Variants in GTF2F2 observed in about 807,000 individuals in gnomAD.
GTF2F2 encodes the protein general transcription factor IIF subunit 2, also known as ATP-dependent helicase GTF2F2.
GTF2F2 carries 23 observed loss-of-function variants against 42.2 expected under a neutral mutation model. That is an observed-to-expected ratio of 0.55 (90% CI 0.39 to 0.77). The LOEUF is 0.77. Ranked by LOEUF, GTF2F2 falls within the 30% of genes least tolerant of loss-of-function variation. The probability of loss-of-function intolerance (pLI) is 0.00; values close to 1 mark genes in which losing one functional copy is unlikely to be tolerated. For missense variants in GTF2F2, 261 were observed against 287.2 expected (o/e 0.91, Z 0.66); for synonymous variants, 105 against 100.8 (o/e 1.04, Z -0.25).
chr13:45,194,028 C>T, intron 4 of GTF2F2: 1 of 1,614,088 alleles, frequency 6.2e-7, no homozygotes, highest in African/African-American at 1.3e-5. Context: ...GAAATCCATC[C>T]AGCCTGCTTT....
intron 4 of GTF2F2, chr13:45,194,025 A>G: frequency 6.2e-7 from 1 of 1,614,124 alleles, no homozygotes; most frequent in South Asian, 1.1e-5. Flanking sequence ...CTGGAAATCC[A>G]TCCAGCCTGC....
intron 5 of GTF2F2, among the ~76,000 whole-genome samples, chr13:45,224,613 G>A (rs1271445369): frequency 1.3e-5 from 2 of 152,154 alleles, no homozygotes; most frequent in Admixed American, 1.3e-4. Flanking sequence ...CTTGGTCTTT[G>A]TTGTTAATGT....
In GTF2F2 at chr13:45,283,652, A is replaced by G. The variant is rs535811693; in HGVS notation, c.*91A>G. The G allele has an allele frequency of 9.3e-7, 1 of 1,073,742 alleles. No homozygotes were observed. Among genetic ancestry groups the G allele is most frequent in the Non-Finnish European group, 1.3e-6 (1 of 780,002 alleles). 66.5% of individuals were successfully genotyped at this position (1,073,742 alleles called of 1,614,324 possible). A position where few individuals can be genotyped will look rare whatever the true frequency, so the allele number is the denominator to read the frequency against. On this transcript the variant is annotated 3_prime_UTR_variant, in exon 8 of 8. Coordinates refer to ENST00000340473, the MANE Select transcript of GTF2F2 (RefSeq NM_004128.3). The stretch of plus-strand genomic sequence containing the variant: ...TGGAAGGCTTGAACACCGTATGTTA[A>G]TAGGGGTTAAGTGACAGTACTTTGA...
At chr13:45,133,169 T>G (rs1029484784) in intron 1 of GTF2F2, among the ~76,000 whole-genome samples, 1 of 152,096 alleles carries the variant, frequency 6.6e-6, no homozygotes, top group Non-Finnish European at 1.5e-5. Flanking sequence ...ATTATAATGA[T>G]GGACCATGGA....
rs1331313316 is a variant in GTF2F2 at position 45,212,443 on chromosome 13, T to G, written c.386+4938T>G. Among the ~76,000 whole-genome samples, 73 of 91,452 alleles carry G rather than the reference T, an allele frequency of 8.0e-4. 1 individual carries two copies. Among genetic ancestry groups the G allele is most frequent in the East Asian group, 5.3e-3 (16 of 3,034 alleles). 60.0% of individuals were successfully genotyped at this position (91,452 alleles called of 152,430 possible). A position where few individuals can be genotyped will look rare whatever the true frequency, so the allele number is the denominator to read the frequency against. On this transcript the variant is annotated intron_variant, in intron 5 of 7. Transcript: ENST00000340473. Reference sequence around the variant, plus strand: ...GGATTGATTTCTTTCTTTCTTTCTTTCTTGTTTCTTTCTTTCTTTCTTTCT... The same window carrying G: ...GGATTGATTTCTTTCTTTCTTTCTTGCTTGTTTCTTTCTTTCTTTCTTTCT...
At chr13:45,221,805 CTCT>C (rs1047911392) in intron 5 of GTF2F2, among the ~76,000 whole-genome samples, 4 of 152,028 alleles carry the variant, frequency 2.6e-5, no homozygotes, top group African/African-American at 9.7e-5. Flanking sequence ...CTTTTTTAAC[CTCT>C]TCTTCCACTA....
At chr13:45,169,152 C>T (rs1871470275) in intron 4 of GTF2F2, among the ~76,000 whole-genome samples, 2 of 151,778 alleles carry the variant, frequency 1.3e-5, no homozygotes. Flanking sequence ...ACTGTGCCCG[C>T]CCCTGCTCCA....
At chr13:45,164,550 G>A (rs1871176908) in intron 4 of GTF2F2, among the ~76,000 whole-genome samples, 1 of 152,156 alleles carries the variant, frequency 6.6e-6, no homozygotes, top group Admixed American at 6.5e-5. Context: ...CTGGACAAAA[G>A]AGTGAAACCC....
intron 6 of GTF2F2, among the ~76,000 whole-genome samples, chr13:45,259,714 G>A (rs1364246959): frequency 7.8e-6 from 1 of 128,440 alleles, no homozygotes; most frequent in African/African-American, 2.9e-5. Flanking sequence ...CTGGAGTGCA[G>A]TGGCACAATC....
chr13:45,216,188 C>A (rs978972248), intron 5 of GTF2F2, among the ~76,000 whole-genome samples: 4 of 152,056 alleles, frequency 2.6e-5, no homozygotes, highest in Admixed American at 1.3e-4. Context: ...ACTGCACTCC[C>A]TCCTGGGCAA....
chr13:45,259,376 A>T (rs543902875), intron 6 of GTF2F2, among the ~76,000 whole-genome samples: 45 of 152,254 alleles, frequency 3.0e-4, no homozygotes, highest in Admixed American at 2.8e-3. Context: ...CAGTGAGCCA[A>T]GGTCATGCCA....
chr13:45,159,502 T>C (rs1870932763), intron 4 of GTF2F2, among the ~76,000 whole-genome samples: 1 of 152,242 alleles, frequency 6.6e-6, no homozygotes, highest in Non-Finnish European at 1.5e-5. Flanking sequence ...GTGATTCTCC[T>C]GCCTCAGCCT....
intron 4 of GTF2F2, among the ~76,000 whole-genome samples, chr13:45,184,624 T>A (rs141900332): frequency 1.3e-5 from 2 of 152,134 alleles, no homozygotes; most frequent in African/African-American, 4.8e-5. Flanking sequence ...CACCACTGTT[T>A]GATGCATATT....
chr13:45,205,385 C>T (rs1279263335), intron 4 of GTF2F2, among the ~76,000 whole-genome samples: 2 of 152,058 alleles, frequency 1.3e-5, no homozygotes, highest in African/African-American at 4.8e-5. Flanking sequence ...TCCCTTGACA[C>T]GTGGGGATTA....
At chr13:45,205,708 C>G (rs1873385464) in intron 4 of GTF2F2, among the ~76,000 whole-genome samples, 1 of 152,010 alleles carries the variant, frequency 6.6e-6, no homozygotes, top group African/African-American at 2.4e-5. Flanking sequence ...TTAGTAGAGA[C>G]AGGGTTTCAC....
At position 45,253,521 on chromosome 13, in the gene GTF2F2, A is replaced by G. The variant is rs575137419; in HGVS notation, c.486+551A>G. Among the ~76,000 whole-genome samples the G allele has an allele frequency of 7.2e-5, 11 of 152,292 alleles. No individual in the cohort carries two copies. In the East Asian group the frequency reaches 2.1e-3, roughly 29 times the overall value. ...GTACAGTAGTACTCCCTTGTCCACA[A>G]TTTTAAAACTTTATGCAGTTTCAGT... is the stretch of plus-strand genomic sequence containing the variant. On this transcript the variant is annotated intron_variant, in intron 6 of 7. Transcript: ENST00000340473.
chr13:45,275,357 G>C (rs149415214), intron 7 of GTF2F2, among the ~76,000 whole-genome samples: 1,653 of 151,866 alleles, frequency 0.011, 37 homozygotes, highest in African/African-American at 0.038. Context: ...CAATGTGCAG[G>C]TTTGTTACAT....
chr13:45,152,965 A>T (rs1196789307), intron 4 of GTF2F2, among the ~76,000 whole-genome samples: 1 of 152,072 alleles, frequency 6.6e-6, no homozygotes, highest in Non-Finnish European at 1.5e-5. Flanking sequence ...AAGAAATTAT[A>T]GTATGTTAAG....
intron 2 of GTF2F2, among the ~76,000 whole-genome samples, chr13:45,147,679 T>C (rs1263843638): frequency 6.6e-6 from 1 of 152,242 alleles, no homozygotes; most frequent in East Asian, 1.9e-4. Flanking sequence ...TGTAAAAGAC[T>C]GAGAAGTCCT....
Sources: gnomAD v4.1 joint callset for allele counts (sites outside exome capture counted in the v4.1 genomes callset) on GRCh38, gnomAD v4.1.1 for gene constraint, MANE v1.5 for transcripts, NCBI Gene and HGNC (gene_info 2026-07-23, HGNC 2026-07-21) for gene names.